The following DMXL2 variants were observed in gnomAD, a reference collection of about 807,000 sequenced individuals.
The protein encoded by DMXL2 is dmX-like protein 2.
Under a neutral mutation model 331.1 loss-of-function variants are expected in DMXL2, and 103 were observed. That is an observed-to-expected ratio of 0.31 (90% confidence interval 0.27 to 0.37). The LOEUF (loss-of-function observed/expected upper bound fraction) is 0.37. Ranked by LOEUF, DMXL2 falls within the 10% of genes least tolerant of loss-of-function variation. DMXL2 has a pLI of 1.00. For synonymous variants in DMXL2, 1,281 were observed against 1,252.1 expected, an observed-to-expected ratio of 1.02 and a Z score of -0.49; for missense variants, 3,171 against 3,642.9, an observed-to-expected ratio of 0.87 and a Z score of 3.33.
intron 13 of DMXL2, 98 bp from the exon 14 acceptor site, chr15:51,517,265 T>G (rs1479702468): frequency 3.7e-6 from 3 of 811,570 alleles, no homozygotes; most frequent in Non-Finnish European, 6.2e-6. Flanking sequence ...CTCTAAATAT[T>G]CACTGATTGG....
Position 51,466,226 on chromosome 15 carries a change from GAA to G in DMXL2, c.7476_7477del (p.Ser2493ArgfsTer14). ...TTGGTGCTCCTGTATTTGTGTATCT[GAA>G]AAAAAGGCATCATCTTCTTCATCAC... On this transcript the variant is annotated frameshift_variant, in exon 30 of 44. Transcript: ENST00000560891. LOFTEE classifies it high-confidence loss of function. 6.3e-7 allele frequency: 1 copy of G among 1,577,000 alleles called. No homozygotes were observed. Among genetic ancestry groups the G allele is most frequent in the Non-Finnish European group, 8.6e-7 (1 of 1,166,564 alleles).
Position 51,491,620 on chromosome 15 carries a change from C to A in DMXL2, c.4911G>T (p.Trp1637Cys). The A allele has an allele frequency of 6.2e-7, 1 of 1,611,494 alleles. No individual in the cohort carries two copies. Among genetic ancestry groups the A allele is most frequent in the Non-Finnish European group, 8.5e-7 (1 of 1,179,212 alleles). The change falls in exon 20 of 44, where the codon TGG (tryptophan) becomes TGT (cysteine). Residue 1637 changes from tryptophan (W) to cysteine (C), a missense_variant. By Grantham distance (215) the Trp-to-Cys change is radical. This residue lies in a region of DMXL2 where 252 missense variants were observed against 387.4 expected (regional missense o/e 0.65). Coordinates refer to ENST00000560891, the MANE Select transcript of DMXL2 (RefSeq NM_001378457.1). ...GAAGCGTGTTAATGTTCCTCACCCA[C>A]CATCCTATGCCCATAGCTCTTAATT... ...WSELRAMGIGWWVRNINTLRR... is the reference protein window; with the variant it reads ...WSELRAMGIGCWVRNINTLRR...
intron 1 of DMXL2, among the ~76,000 whole-genome samples, chr15:51,616,852 G>A (rs1208117828): frequency 1.3e-5 from 2 of 148,436 alleles, no homozygotes; most frequent in Non-Finnish European, 3.0e-5. Flanking sequence ...CAGGAGAATC[G>A]CTTGAACCTA....
intron 23 of DMXL2, among the ~76,000 whole-genome samples, chr15:51,484,876 T>C (rs777104126): frequency 3.3e-5 from 5 of 151,764 alleles, no homozygotes; most frequent in East Asian, 1.9e-4. Context: ...ACCAAGGAGA[T>C]AGATATCATA....
intron 13 of DMXL2, among the ~76,000 whole-genome samples, chr15:51,519,122 C>T (rs751558107): frequency 6.6e-6 from 1 of 152,032 alleles, no homozygotes; most frequent in Non-Finnish European, 1.5e-5. Context: ...CAAAACTGCA[C>T]ATATGTGTTT....
chr15:51,514,384 C>G, intron 15 of DMXL2, 58 bp downstream of exon 15: 1 of 1,023,484 alleles, frequency 9.8e-7, no homozygotes, highest in Non-Finnish European at 1.4e-6. Context: ...TCAGTGAAAA[C>G]TTAGAGATCA....
At position 51,605,491 on chromosome 15, in the gene DMXL2, C is replaced by T. The variant is rs573405823; in HGVS notation, c.87+16968G>A. On this transcript the variant is annotated intron_variant, in intron 1 of 43. Coordinates refer to ENST00000560891, the MANE Select transcript of DMXL2 (RefSeq NM_001378457.1). ...GCTGGGATTATAGGTGTGAGCTACC[C>T]GGCCCAGCCCATACAGATTAATATT... Among the ~76,000 whole-genome samples the T allele has an allele frequency of 3.9e-4, 58 of 149,242 alleles. 1 individual carries two copies. The South Asian group carries it at 5.4e-3, about 14-fold the overall frequency.
At chr15:51,580,014 T>C (rs573543195) in intron 1 of DMXL2, among the ~76,000 whole-genome samples, 2 of 152,290 alleles carry the variant, frequency 1.3e-5, no homozygotes, top group African/African-American at 4.8e-5. Context: ...GCTCTTTCCA[T>C]TGCATTGCCC....
chr15:51,521,038 A>C (rs1332145564), intron 13 of DMXL2, among the ~76,000 whole-genome samples: 8 of 152,176 alleles, frequency 5.3e-5, no homozygotes, highest in African/African-American at 1.9e-4. Context: ...TATTTTTATA[A>C]AAACATTCAC....
At chr15:51,576,671 A>G (rs1233977705) in intron 1 of DMXL2, among the ~76,000 whole-genome samples, 2 of 152,206 alleles carry the variant, frequency 1.3e-5, no homozygotes, top group Non-Finnish European at 2.9e-5. Flanking sequence ...CATGAACAAC[A>G]AAGGCAGAAT....
intron 27 of DMXL2, among the ~76,000 whole-genome samples, chr15:51,476,329 T>A (rs937482156): frequency 1.3e-5 from 2 of 152,162 alleles, no homozygotes; most frequent in Non-Finnish European, 2.9e-5. Flanking sequence ...ATGTGCTCCA[T>A]CCTTATGAAG....
intron 1 of DMXL2, among the ~76,000 whole-genome samples, chr15:51,592,234 A>C (rs2052418740): frequency 6.6e-6 from 1 of 152,210 alleles, no homozygotes; most frequent in African/African-American, 2.4e-5. Context: ...GACCTGATGG[A>C]GCTAAAAACC....
At chr15:51,467,884 G>A (rs1219461128) in intron 29 of DMXL2, among the ~76,000 whole-genome samples, 5 of 151,882 alleles carry the variant, frequency 3.3e-5, no homozygotes, top group South Asian at 2.1e-4. Flanking sequence ...CTGCCACCAC[G>A]CCCGGCTAAT....
chr15:51,586,440 C>T (rs1210325047), intron 1 of DMXL2, among the ~76,000 whole-genome samples: 4 of 152,184 alleles, frequency 2.6e-5, no homozygotes, highest in East Asian at 1.9e-4. Flanking sequence ...ACGTTCTAAG[C>T]GTTTATGAGT....
At chr15:51,524,881 G>C (rs940016588) in intron 13 of DMXL2, among the ~76,000 whole-genome samples, 3 of 151,982 alleles carry the variant, frequency 2.0e-5, no homozygotes, top group African/African-American at 7.2e-5. Flanking sequence ...CAGTGGGCTG[G>C]GGAGGCATGC....
chr15:51,604,138 A>G (rs548994944), intron 1 of DMXL2, among the ~76,000 whole-genome samples: 2 of 152,142 alleles, frequency 1.3e-5, no homozygotes, highest in African/African-American at 4.8e-5. Context: ...CACATTAATA[A>G]TTTAAAGAAA....
At chr15:51,618,305 T>C (rs576802255) in intron 1 of DMXL2, among the ~76,000 whole-genome samples, 1 of 133,640 alleles carries the variant, frequency 7.5e-6, no homozygotes, top group Admixed American at 7.8e-5. Flanking sequence ...AGACTATGTC[T>C]TGTAATTCTT....
chr15:51,545,369 A>G (rs10468005), intron 8 of DMXL2, among the ~76,000 whole-genome samples: 2,943 of 152,294 alleles, frequency 0.019, 96 homozygotes, highest in African/African-American at 0.066. Context: ...ACTTTTAATA[A>G]TATTTACCTA....
intron 1 of DMXL2, among the ~76,000 whole-genome samples, chr15:51,614,134 C>T (rs1433730164): frequency 2.6e-5 from 4 of 152,056 alleles, no homozygotes; most frequent in East Asian, 3.8e-4. Context: ...AAAGACACCG[C>T]AAGTGCATGT....
Sources: allele counts gnomAD v4.1 joint callset (sites outside exome capture counted in the v4.1 genomes callset), GRCh38; gene constraint gnomAD v4.1.1; regional missense constraint gnomAD v4.1.1; transcripts MANE v1.5; gene names NCBI Gene and HGNC (gene_info 2026-07-23, HGNC 2026-07-21).